PHAX: variants seen among roughly 807,000 people sequenced by gnomAD.
PHAX encodes phosphorylated adaptor for RNA export, also known as phosphorylated adapter RNA export protein.
In PHAX, 31 loss-of-function variants were observed where a neutral mutation model predicts 41.6. The ratio of observed to expected loss-of-function variants is 0.75; its 90% CI spans 0.56 to 1.01. The LOEUF (loss-of-function observed/expected upper bound fraction) is 1.01. Ranked by LOEUF, PHAX falls within the 50% of genes least tolerant of loss-of-function variation. The probability of loss-of-function intolerance (pLI) is 0.00; values close to 1 mark genes in which losing one functional copy is unlikely to be tolerated. For missense variants in PHAX, 453 were observed against 472.9 expected, an observed-to-expected ratio of 0.96 and a Z score of 0.39; for synonymous variants, 175 against 164.9, an observed-to-expected ratio of 1.06 and a Z score of -0.47.
At chr5:126,607,873 A>G (rs1226666550) in intron 2 of PHAX, among the ~76,000 whole-genome samples, 2 of 151,638 alleles carry the variant, frequency 1.3e-5, no homozygotes, top group East Asian at 3.8e-4. Context: ...TGCTTATTAT[A>G]ATCATAATAA....
chr5:126,606,254 G>T (rs977566092), intron 2 of PHAX, among the ~76,000 whole-genome samples: 1 of 152,184 alleles, frequency 6.6e-6, no homozygotes, highest in African/African-American at 2.4e-5. Flanking sequence ...GGAGTGCAGT[G>T]TCACGATCTC....
At chr5:126,607,929 G>T (rs1444228657) in intron 2 of PHAX, among the ~76,000 whole-genome samples, 1 of 152,096 alleles carries the variant, frequency 6.6e-6, no homozygotes, top group Non-Finnish European at 1.5e-5. Context: ...TCTGAGGCAG[G>T]GAGTCTATGA....
intron 3 of PHAX, among the ~76,000 whole-genome samples, chr5:126,608,713 G>T (rs1293390913): frequency 6.6e-6 from 1 of 151,916 alleles, no homozygotes; most frequent in Non-Finnish European, 1.5e-5. Flanking sequence ...GAGGCGGGCC[G>T]ATCACCTGAG....
chr5:126,624,322 T>TG (rs1752315029), intron 4 of PHAX, among the ~76,000 whole-genome samples: 1 of 152,120 alleles, frequency 6.6e-6, no homozygotes, highest in Non-Finnish European at 1.5e-5. Flanking sequence ...ATTTAGGAAA[T>TG]TTTTAACTGT....
Position 126,611,288 on chromosome 5 carries a change from A to C in PHAX, c.831+2804A>C, listed in dbSNP as rs181671999. Among the ~76,000 whole-genome samples the C allele has an allele frequency of 7.0e-3, 1,070 of 152,262 alleles. 11 individuals carry two copies. Among genetic ancestry groups the C allele is most frequent in the African/African-American group, 0.025 (1,036 of 41,552 alleles). On this transcript the variant is annotated intron_variant, in intron 3 of 4. Transcript: ENST00000297540. ...AGGCTGGTCTCAAACTCCTGACCTC[A>C]GGTGATCTGCCGGCCTCGGCCTCCC... is the stretch of plus-strand genomic sequence containing the variant.
intron 3 of PHAX, among the ~76,000 whole-genome samples, chr5:126,615,797 T>C (rs1376499394): frequency 1.3e-5 from 2 of 152,174 alleles, no homozygotes; most frequent in African/African-American, 2.4e-5. Context: ...ATCAGAGGCT[T>C]TCAGGAACCT....
chr5:126,607,479 A>ACCTCTG (rs1448954724), intron 2 of PHAX, among the ~76,000 whole-genome samples: 3 of 144,084 alleles, frequency 2.1e-5, no homozygotes, highest in Non-Finnish European at 4.5e-5. Flanking sequence ...GCTCACTGCA[A>ACCTCTG]CCTCTGCCTC....
At chr5:126,614,402 G>A (rs1381421627) in intron 3 of PHAX, among the ~76,000 whole-genome samples, 4 of 151,962 alleles carry the variant, frequency 2.6e-5, no homozygotes, top group Non-Finnish European at 4.4e-5. Flanking sequence ...GTGAGTCACC[G>A]CACCCGGCCA....
chr5:126,603,512 T>A, intron 1 of PHAX, 58 bp from the exon 2 acceptor site: 1 of 1,522,110 alleles, frequency 6.6e-7, no homozygotes, highest in African/African-American at 1.4e-5. Context: ...TTTTTAAAAA[T>A]TAGGTAGGTG....
chr5:126,620,210 CTG>C (rs1752248128), intron 4 of PHAX, among the ~76,000 whole-genome samples: 1 of 152,162 alleles, frequency 6.6e-6, no homozygotes, highest in African/African-American at 2.4e-5. Flanking sequence ...ATTGTAACAA[CTG>C]TTTCAGTAAC....
At chr5:126,613,775 C>T (rs1370966579) in intron 3 of PHAX, among the ~76,000 whole-genome samples, 1 of 146,520 alleles carries the variant, frequency 6.8e-6, no homozygotes, top group Admixed American at 6.8e-5. Context: ...TTCTTTCTTT[C>T]TTTTTTTTTT....
intron 4 of PHAX, among the ~76,000 whole-genome samples, chr5:126,617,828 G>A (rs2112836476): frequency 6.6e-6 from 1 of 152,288 alleles, no homozygotes; most frequent in South Asian, 2.1e-4. Flanking sequence ...TGCCCAGGCT[G>A]GTCTTGTACG....
intron 1 of PHAX, among the ~76,000 whole-genome samples, chr5:126,602,722 A>G (rs184630630): frequency 1.0e-3 from 159 of 152,260 alleles, no homozygotes; most frequent in African/African-American, 3.6e-3. Context: ...TATCTTGCCC[A>G]GGCTGGGCGC....
chr5:126,617,988 C>G lies in PHAX; in HGVS notation c.915+655C>G, dbSNP rs542420699. On this transcript the variant is annotated intron_variant, in intron 4 of 4. Coordinates refer to ENST00000297540, the MANE Select transcript of PHAX (RefSeq NM_032177.4). ...TGAGACAGGGTCTAAGGACCTGGCT[C>G]TATTGCCCAGGCTGGAGTGCAGTGG... Among the ~76,000 whole-genome samples, 6 of 152,232 alleles carry G rather than the reference C, an allele frequency of 3.9e-5. No individual in the cohort carries two copies. The East Asian group carries it at 1.2e-3, about 29-fold the overall frequency.
At position 126,622,442 on chromosome 5, in the gene PHAX, ATTTTTTTTTTTTTT is replaced by A. The variant is rs56297404; in HGVS notation, c.916-2116_916-2103del. Reference sequence around the variant, plus strand: ...CCAGCAAACCCAGCCTAATTTTTGTATTTTTTTTTTTTTTTTTTTTTTTTTTTTTTAGTAGAGAT... The same window carrying A: ...CCAGCAAACCCAGCCTAATTTTTGTATTTTTTTTTTTTTTTTAGTAGAGAT... On this transcript the variant is annotated intron_variant, in intron 4 of 4. Coordinates refer to ENST00000297540, the MANE Select transcript of PHAX (RefSeq NM_032177.4). Among the ~76,000 whole-genome samples the A allele has an allele frequency of 1.2e-4, 7 of 56,070 alleles. No individual in the cohort carries two copies. The South Asian group carries it at 2.6e-3, about 21-fold the overall frequency. The allele number at this position is 56,070 out of a possible 152,430, so 36.8% of individuals were successfully genotyped here.
intron 3 of PHAX, among the ~76,000 whole-genome samples, chr5:126,615,507 GC>G (rs1752169956): frequency 1.7e-5 from 2 of 116,110 alleles, no homozygotes. Flanking sequence ...CACATTCTGT[GC>G]TTTTTTTTTT....
At chr5:126,606,284 C>T (rs1364623005) in intron 2 of PHAX, among the ~76,000 whole-genome samples, 1 of 152,118 alleles carries the variant, frequency 6.6e-6, no homozygotes, top group East Asian at 1.9e-4. Context: ...CAACCTCCGC[C>T]TCCTGGGTTC....
chr5:126,601,487 G>A (rs1751902648), intron 1 of PHAX, among the ~76,000 whole-genome samples: 1 of 152,210 alleles, frequency 6.6e-6, no homozygotes, highest in Non-Finnish European at 1.5e-5. Context: ...TGCCAAATAT[G>A]TAGCATCTAG....
Position 126,609,734 on chromosome 5 carries a change from C to CT in PHAX, c.831+1258dup, listed in dbSNP as rs1213892614. Among the ~76,000 whole-genome samples the CT allele has an allele frequency of 1.5e-4, 22 of 151,470 alleles. No homozygotes were observed. In the South Asian group the frequency reaches 3.7e-3, roughly 26 times the overall value. On this transcript the variant is annotated intron_variant, in intron 3 of 4. Coordinates refer to ENST00000297540, the MANE Select transcript of PHAX (RefSeq NM_032177.4). The stretch of plus-strand genomic sequence containing the variant: ...GGGCAAAAAAAAAAAACAAAACACC[C>CT]TTTTTTTTGTTTGTTTGTTTTTTGA...
Sources: allele counts gnomAD v4.1 joint callset (sites outside exome capture counted in the v4.1 genomes callset), GRCh38; gene constraint gnomAD v4.1.1; transcripts MANE v1.5; gene names NCBI Gene and HGNC (gene_info 2026-07-23, HGNC 2026-07-21).